The following TTC7A variants were observed in gnomAD, a reference collection of about 807,000 sequenced individuals.
TTC7A encodes tetratricopeptide repeat protein 7A.
A neutral mutation model predicts 103.7 loss-of-function variants in TTC7A; 110 were observed. That is an observed-to-expected ratio of 1.06 (90% CI 0.91 to 1.24). The LOEUF is 1.24. Among genes scored for constraint, TTC7A ranks in the 50% most tolerant of loss-of-function variants. The pLI, the probability that TTC7A is intolerant of heterozygous loss-of-function variation, is 0.00. For synonymous variants in TTC7A, 521 were observed against 467.9 expected (o/e 1.11, Z -1.47); for missense variants, 1,340 against 1,116.3 (o/e 1.20, Z -2.86).
At chr2:46,940,874 G>A (rs937370975), upstream of TTC7A, among the ~76,000 whole-genome samples, 4 of 152,124 alleles carry the variant, frequency 2.6e-5, no homozygotes, top group African/African-American at 9.7e-5. The surrounding 1 kb of genome is among the most constrained non-coding windows in gnomAD (Gnocchi z 4.7). Flanking sequence ...CCATTTTTGT[G>A]ACGTGTCAGG....
At chr2:46,945,438 C>A (rs1269999517) in intron 1 of TTC7A, among the ~76,000 whole-genome samples, 1 of 152,190 alleles carries the variant, frequency 6.6e-6, no homozygotes, top group African/African-American at 2.4e-5. Flanking sequence ...TTTTTAGAGA[C>A]GAGGTTTCAC....
Position 47,075,649 on chromosome 2 carries a change from A to G in TTC7A, c.*1726A>G. ...GGACAGGAGGGGCTGTTGCAGGATG[A>G]GGGAGGCCAGAGAAGGCATCGAAGC... On this transcript the variant is annotated 3_prime_UTR_variant, in exon 20 of 20. Transcript: ENST00000319190. 6.6e-6 allele frequency: 1 copy of G among 152,418 alleles called. No individual in the cohort carries two copies. The highest frequency in any genetic ancestry group is 1.5e-5 in the Non-Finnish European group (1 of 68,084). 9.4% of individuals were successfully genotyped at this position (152,418 alleles called of 1,614,324 possible). A position where few individuals can be genotyped will look rare whatever the true frequency, so the allele number is the denominator to read the frequency against.
intron 2 of TTC7A, among the ~76,000 whole-genome samples, chr2:46,934,578 A>G (rs1669870517): frequency 6.6e-6 from 1 of 151,926 alleles, no homozygotes; most frequent in South Asian, 2.1e-4. Flanking sequence ...CCGGCCTGTG[A>G]CTTTTCAATA....
rs34664382 is a variant in TTC7A at position 46,987,809 on chromosome 2, CGTGTGTGTGTGT to C, written c.765-5618_765-5607del. 4.1e-5 allele frequency among the ~76,000 whole-genome samples: 6 copies of C among 144,648 alleles called. No homozygotes were observed. The East Asian group carries it at 6.1e-4, about 15-fold the overall frequency. The allele number at this position is 144,648 out of a possible 152,430, so 94.9% of individuals were successfully genotyped here. A position where few individuals can be genotyped will look rare whatever the true frequency, so the allele number is the denominator to read the frequency against. ...GGTGAAAGCACTGTCCCTTTCCGCG[CGTGTGTGTGTGT>C]GTGTGTGTGTGTGTGTGTGTGTTTG... On this transcript the variant is annotated intron_variant, in intron 5 of 19. Transcript: ENST00000319190.
In TTC7A at chr2:47,073,875, G is replaced by T; in HGVS notation, c.2529G>T (p.Glu843Asp). 1 of 1,613,522 alleles carries T rather than the reference G, an allele frequency of 6.2e-7. No individual in the cohort carries two copies. The highest frequency in any genetic ancestry group is 1.3e-5 in the African/African-American group (1 of 75,056). Residue 843 changes from glutamate to aspartate, a missense_variant, in exon 20 of 20, where the codon GAG (glutamate) becomes GAT (aspartate). By Grantham distance (45) the Glu-to-Asp change is conservative (BLOSUM62 2). Coordinates refer to ENST00000319190, the MANE Select transcript of TTC7A (RefSeq NM_020458.4). ...GCTTCCTCACCGCCCTTGAGCTGGA[G>T]GCCAGCAGCCCTGTACTGCCCTTCT... The part of the protein sequence containing the change: ...VDCFLTALEL[E>D]ASSPVLPFSI...
At chr2:47,047,402 G>C (rs941464501) in intron 16 of TTC7A, 1 of 1,037,320 alleles carries the variant, frequency 9.6e-7, no homozygotes, top group Non-Finnish European at 1.4e-6. Flanking sequence ...TGGGAGACCA[G>C]GGCAGAGGAG....
chr2:47,018,520 G>A (rs1678926525), intron 11 of TTC7A, among the ~76,000 whole-genome samples: 1 of 148,928 alleles, frequency 6.7e-6, no homozygotes, highest in Non-Finnish European at 1.5e-5. Flanking sequence ...AGAGGTGAAG[G>A]TTGCAGTGAG....
chr2:47,029,098 C>A, intron 14 of TTC7A, 126 bp from the exon 15 acceptor site: 2 of 1,120,152 alleles, frequency 1.8e-6, no homozygotes, highest in South Asian at 1.5e-5. Flanking sequence ...ACAGCAGCCT[C>A]CCTGCCCCCA....
intron 19 of TTC7A, among the ~76,000 whole-genome samples, chr2:47,066,460 C>G (rs548197724): frequency 2.0e-5 from 3 of 152,112 alleles, no homozygotes; most frequent in African/African-American, 7.2e-5. Context: ...TGCTCTGGGA[C>G]TCTAACAAGA....
chr2:46,964,850 TGA>T (rs1672701782), intron 3 of TTC7A, among the ~76,000 whole-genome samples: 1 of 152,168 alleles, frequency 6.6e-6, no homozygotes. Flanking sequence ...CATTCTACCT[TGA>T]GCCTGGCAGA....
intron 3 of TTC7A, among the ~76,000 whole-genome samples, chr2:46,974,408 T>C (rs1673653103): frequency 6.6e-6 from 1 of 152,194 alleles, no homozygotes; most frequent in Admixed American, 6.5e-5. Context: ...TGCTTCAAGA[T>C]ACTCTCCAGT....
At chr2:47,030,043 T>C (rs1350029426) in intron 15 of TTC7A, among the ~76,000 whole-genome samples, 1 of 149,152 alleles carries the variant, frequency 6.7e-6, no homozygotes, top group African/African-American at 2.5e-5. Flanking sequence ...GGAGTCTTGA[T>C]TTCTGCCTTC....
chr2:46,974,771 G>T, intron 3 of TTC7A: 1 of 673,870 alleles, frequency 1.5e-6, no homozygotes, highest in Non-Finnish European at 2.6e-6. Flanking sequence ...GATTCCCCAC[G>T]TGCTGTCCCA....
chr2:46,943,252 G>T (rs1670614985), intron 1 of TTC7A, among the ~76,000 whole-genome samples: 1 of 152,146 alleles, frequency 6.6e-6, no homozygotes, highest in Non-Finnish European at 1.5e-5. Context: ...AGGAGGGCAG[G>T]AGTTATTGTC....
chr2:47,073,855 C>G lies in TTC7A; in HGVS notation c.2509C>G (p.Leu837Val). The G allele has an allele frequency of 1.2e-6, 2 of 1,613,786 alleles. No individual in the cohort carries two copies. Among genetic ancestry groups the G allele is most frequent in the Non-Finnish European group, 1.7e-6 (2 of 1,180,034 alleles). Reference protein sequence around the residue: ...GQNEAAVDCFLTALELEASSP... With the variant: ...GQNEAAVDCFVTALELEASSP... ...GAACGAGGCTGCCGTTGACTGCTTC[C>G]TCACCGCCCTTGAGCTGGAGGCCAG... The change falls in exon 20 of 20, where the codon CTC becomes GTC. Residue 837 changes from leucine (L) to valine (V), a missense_variant. Coordinates refer to ENST00000319190, the MANE Select transcript of TTC7A (RefSeq NM_020458.4).
intron 8 of TTC7A, chr2:46,999,370 T>C (rs1676557730): frequency 3.1e-6 from 1 of 324,924 alleles, no homozygotes; most frequent in South Asian, 1.2e-4. Context: ...CATCCACCCA[T>C]CATTCCATCC....
At chr2:47,039,590 A>G (rs1178983869) in intron 15 of TTC7A, among the ~76,000 whole-genome samples, 1 of 152,238 alleles carries the variant, frequency 6.6e-6, no homozygotes, top group Admixed American at 6.5e-5. Flanking sequence ...ATACTTACTC[A>G]TTTCTGAGGA....
In TTC7A at chr2:47,005,958, C is replaced by G; in HGVS notation, c.1102C>G (p.Gln368Glu). 1 of 1,614,102 alleles carries G rather than the reference C, an allele frequency of 6.2e-7. No individual in the cohort carries two copies. Among genetic ancestry groups the G allele is most frequent in the Non-Finnish European group, 8.5e-7 (1 of 1,180,006 alleles). The change falls in exon 9 of 20, where the codon CAG (glutamine) becomes GAG (glutamate). Residue 368 changes from glutamine (Q) to glutamate (E), a missense_variant. Physicochemically the swap from Gln to Glu is conservative, Grantham distance 29 (BLOSUM62 2). Transcript: ENST00000319190. ...TGTGGTGCTGAGCCGGGTGCCGGAG[C>G]AGGAGGAGGACCGGACAGTGAGCTT... ...RDVVLSRVPEQEEDRTVSLQN... is the reference protein window; with the variant it reads ...RDVVLSRVPEEEEDRTVSLQN...
chr2:46,990,815 G>T (rs1458719795), intron 5 of TTC7A, among the ~76,000 whole-genome samples: 4 of 152,148 alleles, frequency 2.6e-5, no homozygotes, highest in African/African-American at 9.7e-5. Context: ...GAAGACCCCA[G>T]GGCATCCCCT....
Sources: allele counts gnomAD v4.1 joint callset (sites outside exome capture counted in the v4.1 genomes callset), GRCh38; gene constraint gnomAD v4.1.1; non-coding constraint Gnocchi (gnomAD v3.1); transcripts MANE v1.5; gene names NCBI Gene and HGNC (gene_info 2026-07-23, HGNC 2026-07-21).